PRKN: variants seen among roughly 807,000 people sequenced by gnomAD.
PRKN encodes the protein E3 ubiquitin-protein ligase parkin.
A neutral mutation model predicts 59.5 loss-of-function variants in PRKN; 56 were observed. The observed-to-expected ratio is 0.94, with a 90% confidence interval of 0.76 to 1.18. The LOEUF (loss-of-function observed/expected upper bound fraction) is 1.18. Ranked by LOEUF, PRKN falls within the 50% of genes most tolerant of loss-of-function variation. The pLI is 0.00. For synonymous variants in PRKN, 250 were observed against 222.1 expected (o/e 1.13, Z -1.12); for missense variants, 657 against 596.4 (o/e 1.10, Z -1.06).
Position 161,500,000 on chromosome 6 carries a change from G to A in PRKN, c.1083+48854C>T, listed in dbSNP as rs1777898873. Among the ~76,000 whole-genome samples the A allele has an allele frequency of 6.6e-6, 1 of 152,132 alleles. No homozygotes were observed. Among genetic ancestry groups the A allele is most frequent in the South Asian group, 2.1e-4 (1 of 4,830 alleles). On this transcript the variant is annotated intron_variant, in intron 9 of 11. Transcript: ENST00000366898. This position sits in a 1 kb window ranked among gnomAD's most constrained non-coding sequence, Gnocchi z 4.2. Reference sequence around the variant, plus strand: ...CTCCTTCCCCACTTTTGTTCATGCAGTGTCTTTGCCAAAAGTCCTTCGGCC... The same window carrying A: ...CTCCTTCCCCACTTTTGTTCATGCAATGTCTTTGCCAAAAGTCCTTCGGCC...
chr6:162,614,255 G>C (rs935125081), intron 1 of PRKN, among the ~76,000 whole-genome samples: 1 of 152,070 alleles, frequency 6.6e-6, no homozygotes, highest in Admixed American at 6.6e-5. Context: ...AGTGCCTCTA[G>C]GGACTCAGGA....
chr6:161,467,583 G>A lies in PRKN; in HGVS notation c.1084-80706C>T, dbSNP rs1790543989. ...ATTGCTATGGGAATGCAGGTTGAGA[G>A]GTGCTGAGCCTAAAAGGAGGATACA... On this transcript the variant is annotated intron_variant, in intron 9 of 11. Coordinates refer to ENST00000366898, the MANE Select transcript of PRKN (RefSeq NM_004562.3). The surrounding 1 kb of genome is among the most constrained non-coding windows in gnomAD (Gnocchi z 4.3). Among the ~76,000 whole-genome samples the A allele has an allele frequency of 6.6e-6, 1 of 152,186 alleles. No individual in the cohort carries two copies. Among genetic ancestry groups the A allele is most frequent in the Non-Finnish European group, 1.5e-5 (1 of 68,040 alleles).
At chr6:162,508,933 A>G (rs1045448031) in intron 1 of PRKN, among the ~76,000 whole-genome samples, 1 of 152,160 alleles carries the variant, frequency 6.6e-6, no homozygotes, top group Non-Finnish European at 1.5e-5. Flanking sequence ...GGCAGAGAAG[A>G]CTTCATAGAG....
At chr6:162,596,437 AT>A (rs1781496808) in intron 1 of PRKN, among the ~76,000 whole-genome samples, 1 of 152,208 alleles carries the variant, frequency 6.6e-6, no homozygotes, top group South Asian at 2.1e-4. Context: ...CATATTTACT[AT>A]AATTTGATAA....
intron 5 of PRKN, among the ~76,000 whole-genome samples, chr6:162,010,934 A>T (rs1269306093): frequency 5.0e-4 from 10 of 20,182 alleles, no homozygotes; most frequent in African/African-American, 3.2e-3. Context: ...ATATAATATA[A>T]TATATAATAT....
chr6:161,842,219 C>T (rs1050289961), intron 6 of PRKN, among the ~76,000 whole-genome samples: 21 of 152,030 alleles, frequency 1.4e-4, no homozygotes, highest in Non-Finnish European at 2.9e-4. Flanking sequence ...GAGCCATGGG[C>T]CAGGTGTGGT....
At chr6:161,779,594 G>A (rs971226848) in intron 7 of PRKN, among the ~76,000 whole-genome samples, 5 of 151,298 alleles carry the variant, frequency 3.3e-5, no homozygotes, top group Admixed American at 1.3e-4. Flanking sequence ...ATAGGCATGT[G>A]CCACCACACC....
intron 10 of PRKN, among the ~76,000 whole-genome samples, chr6:161,364,009 A>G (rs1187493405): frequency 6.9e-6 from 1 of 145,430 alleles, no homozygotes; most frequent in East Asian, 2.0e-4. Flanking sequence ...AATACAAAAA[A>G]TTACAAAAAA....
In PRKN at chr6:161,949,156, C is replaced by A. The variant is rs112179544; in HGVS notation, c.734+24146G>T. 3.3e-3 allele frequency among the ~76,000 whole-genome samples: 510 copies of A among 152,278 alleles called. 3 individuals carry two copies. The highest frequency in any genetic ancestry group is 1.0e-2 in the African/African-American group (415 of 41,562). On this transcript the variant is annotated intron_variant, in intron 6 of 11. Coordinates refer to ENST00000366898, the MANE Select transcript of PRKN (RefSeq NM_004562.3). ...CACACAACGCTATGAAGTCCTGTTCCCTGCCCAGAGCCACCAGAAGTATCT... is the reference window on the plus strand; with the variant it reads ...CACACAACGCTATGAAGTCCTGTTCACTGCCCAGAGCCACCAGAAGTATCT...
intron 7 of PRKN, among the ~76,000 whole-genome samples, chr6:161,779,435 C>CTTTCCTTTTTTTTTTTTTTTTT (rs1234367519): frequency 2.2e-4 from 9 of 40,424 alleles, no homozygotes; most frequent in Non-Finnish European, 4.4e-4. Context: ...TTTTTCTTTT[C>CTTTCCTTTTTTTTTTTTTTTTT]TTTTCTTTTT....
chr6:162,034,697 A>G (rs1354430801), intron 5 of PRKN, among the ~76,000 whole-genome samples: 4 of 152,244 alleles, frequency 2.6e-5, no homozygotes, highest in Non-Finnish European at 5.9e-5. Context: ...GACTCAACAT[A>G]CTTCATTCCA....
chr6:161,658,543 G>A (rs781674389), intron 7 of PRKN, among the ~76,000 whole-genome samples: 1 of 152,172 alleles, frequency 6.6e-6, no homozygotes, highest in Non-Finnish European at 1.5e-5. Context: ...ACAGGATCTG[G>A]ATAAAGGTCA....
Position 161,480,191 on chromosome 6 carries a change from A to G in PRKN, c.1083+68663T>C, listed in dbSNP as rs2115235847. Among the ~76,000 whole-genome samples, 1 of 152,274 alleles carries G rather than the reference A, an allele frequency of 6.6e-6. No individual in the cohort carries two copies. Among genetic ancestry groups the G allele is most frequent in the Middle Eastern group, 3.4e-3 (1 of 294 alleles). On this transcript the variant is annotated intron_variant, in intron 9 of 11. Transcript: ENST00000366898. This position sits in a 1 kb window ranked among gnomAD's most constrained non-coding sequence, Gnocchi z 4.1. The stretch of plus-strand genomic sequence containing the variant: ...CTGCAGCGTTTCCTATCTGATCATG[A>G]CTATATAATTTGTGAAGCCCAGTGC...
At chr6:161,743,550 T>TG (rs1788287364) in intron 7 of PRKN, among the ~76,000 whole-genome samples, 1 of 151,812 alleles carries the variant, frequency 6.6e-6, no homozygotes, top group South Asian at 2.1e-4. Context: ...CGCCTGGACT[T>TG]GGTTTCTATC....
chr6:162,414,523 T>C (rs1017620306), intron 2 of PRKN, among the ~76,000 whole-genome samples: 28 of 151,290 alleles, frequency 1.9e-4, no homozygotes, highest in Admixed American at 8.6e-4. Context: ...CTGGCTAACA[T>C]GGTGAAACCC....
At chr6:161,574,854 C>A (rs918565042) in intron 7 of PRKN, among the ~76,000 whole-genome samples, 3 of 152,194 alleles carry the variant, frequency 2.0e-5, no homozygotes, top group South Asian at 4.1e-4. Flanking sequence ...ACAGAACACA[C>A]AGGAATCGAG....
intron 9 of PRKN, among the ~76,000 whole-genome samples, chr6:161,430,442 GT>G (rs1788585585): frequency 6.6e-6 from 1 of 152,144 alleles, no homozygotes; most frequent in Non-Finnish European, 1.5e-5. Context: ...TGCTTAACCT[GT>G]TCTCTCTTGG....
At chr6:162,462,462 C>A (rs1791220889) in intron 1 of PRKN, among the ~76,000 whole-genome samples, 1 of 152,116 alleles carries the variant, frequency 6.6e-6, no homozygotes, top group African/African-American at 2.4e-5. Flanking sequence ...TATTTCATTT[C>A]AACCTGGCTT....
rs1002527621 is a variant in PRKN, at chr6:161,517,463, G to A, written c.1083+31391C>T. On this transcript the variant is annotated intron_variant, in intron 9 of 11. Coordinates refer to ENST00000366898, the MANE Select transcript of PRKN (RefSeq NM_004562.3). ...AAATCAAGAGTTGAGGTGCTAGGCC[G>A]GGCGTGGTGGCTCACACCTGTAATC... Among the ~76,000 whole-genome samples, 41 of 151,964 alleles carry A rather than the reference G, an allele frequency of 2.7e-4. 1 individual carries two copies. The highest frequency in any genetic ancestry group is 7.9e-4 in the Admixed American group (12 of 15,246).
Sources: allele counts gnomAD v4.1 joint callset (sites outside exome capture counted in the v4.1 genomes callset), GRCh38; gene constraint gnomAD v4.1.1; non-coding constraint Gnocchi (gnomAD v3.1); transcripts MANE v1.5; gene names NCBI Gene and HGNC (gene_info 2026-07-23, HGNC 2026-07-21).